Variants in NUP98 observed in about 807,000 individuals in gnomAD.
NUP98 encodes the protein nucleoporin 98 and 96 precursor.
A neutral mutation model predicts 191.9 loss-of-function variants in NUP98; 26 were observed. That is an observed-to-expected ratio of 0.14 (90% CI 0.10 to 0.19). NUP98 has a LOEUF of 0.19. Ranked by LOEUF, NUP98 falls within the 10% of genes least tolerant of loss-of-function variation. The pLI, the probability that NUP98 is intolerant of heterozygous loss-of-function variation, is 1.00. For synonymous variants in NUP98, 808 were observed against 778.4 expected, an observed-to-expected ratio of 1.04 and a Z score of -0.63; for missense variants, 1,941 against 2,178.8, an observed-to-expected ratio of 0.89 and a Z score of 2.17.
rs575427569 is a variant in NUP98 at position 3,729,773 on chromosome 11, G to A, written c.1730+1618C>T. Among the ~76,000 whole-genome samples, 9 of 143,332 alleles carry A rather than the reference G, an allele frequency of 6.3e-5. No individual in the cohort carries two copies. The Middle Eastern group carries it at 0.011, about 176-fold the overall frequency. 94.0% of individuals were successfully genotyped at this position (143,332 alleles called of 152,430 possible). A position where few individuals can be genotyped will look rare whatever the true frequency, so the allele number is the denominator to read the frequency against. Reference sequence around the variant, plus strand: ...CGTTTGACAGCAACACCACAGAAGTGAGGCCAAGGAGGTCAGATGGTATTA... The same window carrying A: ...CGTTTGACAGCAACACCACAGAAGTAAGGCCAAGGAGGTCAGATGGTATTA... On this transcript the variant is annotated intron_variant, in intron 14 of 32. Transcript: ENST00000324932.
At chr11:3,692,137 C>T (rs1452723633) in intron 27 of NUP98, among the ~76,000 whole-genome samples, 2 of 151,924 alleles carry the variant, frequency 1.3e-5, no homozygotes, top group African/African-American at 2.4e-5. Flanking sequence ...GCATATTACC[C>T]GTCTGACATA....
chr11:3,762,422 C>G (rs190211337), intron 9 of NUP98, among the ~76,000 whole-genome samples: 374 of 151,998 alleles, frequency 2.5e-3, no homozygotes, highest in Non-Finnish European at 3.7e-3. Context: ...GCGCCTGGCT[C>G]TTTTTTAATT....
chr11:3,719,164 AAATAG>A (rs949284480), intron 18 of NUP98, among the ~76,000 whole-genome samples: 6 of 152,214 alleles, frequency 3.9e-5, no homozygotes, highest in African/African-American at 1.4e-4. Flanking sequence ...AAATGAAATA[AAATAG>A]AATAGAATCG....
intron 1 of NUP98, among the ~76,000 whole-genome samples, chr11:3,788,843 A>G (rs2133976343): frequency 6.6e-6 from 1 of 152,144 alleles, no homozygotes; most frequent in East Asian, 1.9e-4. Flanking sequence ...GCTATTCGGG[A>G]GGCTGAGGCA....
At chr11:3,772,361 A>G (rs187066022) in intron 6 of NUP98, among the ~76,000 whole-genome samples, 153 of 152,346 alleles carry the variant, frequency 1.0e-3, no homozygotes, top group African/African-American at 3.5e-3. Context: ...GGCACAGCCC[A>G]ATAAAGTAAG....
chr11:3,692,594 CAA>C (rs34136134), intron 27 of NUP98, among the ~76,000 whole-genome samples: 1 of 136,136 alleles, frequency 7.3e-6, no homozygotes. Flanking sequence ...GACTCCATCT[CAA>C]AAAAAAAAAA....
chr11:3,776,900 C>T (rs2081751586), intron 4 of NUP98, among the ~76,000 whole-genome samples: 2 of 152,182 alleles, frequency 1.3e-5, no homozygotes, highest in South Asian at 4.1e-4. Context: ...CCTAAGGTCA[C>T]ACTTGGAAGA....
At chr11:3,759,451 G>T (rs2081089698) in intron 10 of NUP98, among the ~76,000 whole-genome samples, 2 of 152,000 alleles carry the variant, frequency 1.3e-5, no homozygotes, top group Non-Finnish European at 2.9e-5. Flanking sequence ...ACAAAAATTA[G>T]CCAGGCACAG....
In NUP98 at chr11:3,676,371, C is replaced by T. The variant is rs1014813605; in HGVS notation, c.5191G>A (p.Ala1731Thr). ...AKDRLAQSDMAKRVANLLRVV... is the reference protein window; with the variant it reads ...AKDRLAQSDMTKRVANLLRVV... ...CGCAGCAGGTTGGCTACACGTTTGG[C>T]CATGTCTAGAGAGAAAAACTAGAGT... is the stretch of plus-strand genomic sequence containing the variant. The change falls in exon 33 of 33, where the codon GCC (alanine) becomes ACC (threonine). Residue 1731 changes from alanine (A) to threonine (T), a missense_variant. Coordinates refer to ENST00000324932, the MANE Select transcript of NUP98 (RefSeq NM_016320.5). 6.2e-7 allele frequency: 1 copy of T among 1,613,678 alleles called. No individual in the cohort carries two copies. The highest frequency in any genetic ancestry group is 1.3e-5 in the African/African-American group (1 of 74,838).
chr11:3,783,355 T>A (rs1421532677), intron 1 of NUP98, among the ~76,000 whole-genome samples: 1 of 152,068 alleles, frequency 6.6e-6, no homozygotes, highest in East Asian at 1.9e-4. Context: ...GCCACTTCCC[T>A]CCAGCAAAGG....
chr11:3,784,845 G>A (rs1287730571), intron 1 of NUP98, among the ~76,000 whole-genome samples: 1 of 152,070 alleles, frequency 6.6e-6, no homozygotes, highest in African/African-American at 2.4e-5. Flanking sequence ...TTACTCTAAA[G>A]CACACCCTTG....
chr11:3,686,205 C>T lies in NUP98; in HGVS notation c.4455-11G>A, dbSNP rs775789234. 2.0e-5 allele frequency: 32 copies of T among 1,613,474 alleles called. No homozygotes were observed. The highest frequency in any genetic ancestry group is 4.4e-5 in the South Asian group (4 of 91,066). ...TTGAGATCATAATGTCTGCAAAGAA[C>T]GTGTTGAGAGTCAACATACACAGCC... On this transcript the variant is annotated splice_polypyrimidine_tract_variant and intron_variant, in intron 28 of 32. Coordinates refer to ENST00000324932, the MANE Select transcript of NUP98 (RefSeq NM_016320.5).
intron 10 of NUP98, among the ~76,000 whole-genome samples, chr11:3,754,171 G>A (rs2080872153): frequency 6.6e-6 from 1 of 152,192 alleles, no homozygotes; most frequent in Non-Finnish European, 1.5e-5. Context: ...GCTTACGCCT[G>A]TAATCCCAAC....
intron 11 of NUP98, among the ~76,000 whole-genome samples, chr11:3,748,029 A>C (rs2080574081): frequency 6.6e-6 from 1 of 152,190 alleles, no homozygotes; most frequent in Non-Finnish European, 1.5e-5. Flanking sequence ...TTCATCTTTT[A>C]GTTTATAGGA....
chr11:3,796,688 T>C (rs2082610585), intron 1 of NUP98, among the ~76,000 whole-genome samples: 2 of 152,238 alleles, frequency 1.3e-5, no homozygotes, highest in South Asian at 2.1e-4. Context: ...AGTAGAAAAC[T>C]GTTTAGACTG....
chr11:3,758,875 TCAAA>T (rs1331312249), intron 10 of NUP98, among the ~76,000 whole-genome samples: 2 of 152,276 alleles, frequency 1.3e-5, no homozygotes, highest in South Asian at 2.1e-4. Flanking sequence ...AACGGTTGTT[TCAAA>T]CAGAGTTTAT....
chr11:3,722,842 T>C (rs918577555), intron 16 of NUP98, among the ~76,000 whole-genome samples: 17 of 151,946 alleles, frequency 1.1e-4, no homozygotes, highest in African/African-American at 3.6e-4. Context: ...CAAAAAACAA[T>C]AAGCAATCTA....
intron 1 of NUP98, among the ~76,000 whole-genome samples, chr11:3,788,546 G>A (rs886457801): frequency 1.3e-5 from 2 of 152,038 alleles, no homozygotes; most frequent in African/African-American, 2.4e-5. Flanking sequence ...AGCCCAGATT[G>A]CGCCACTGCA....
At chr11:3,770,115 C>G (rs2081476823) in intron 7 of NUP98, among the ~76,000 whole-genome samples, 1 of 150,668 alleles carries the variant, frequency 6.6e-6, no homozygotes, top group Non-Finnish European at 1.5e-5. Flanking sequence ...GAGGCCGAGG[C>G]TGGTTAATCG....
Sources: gnomAD v4.1 joint callset for allele counts (sites outside exome capture counted in the v4.1 genomes callset) on GRCh38, gnomAD v4.1.1 for gene constraint, MANE v1.5 for transcripts, NCBI Gene and HGNC (gene_info 2026-07-23, HGNC 2026-07-21) for gene names.